ZBTB8OS: variants seen among roughly 807,000 people sequenced by gnomAD.
The protein encoded by ZBTB8OS is tRNA-splicing ligase-activating factor archease.
Under a neutral mutation model 29.3 loss-of-function variants are expected in ZBTB8OS, and 16 were observed. The ratio of observed to expected loss-of-function variants is 0.55; its 90% confidence interval spans 0.37 to 0.83. The LOEUF is 0.83. ZBTB8OS is among the 40% of genes least tolerant of loss of function. ZBTB8OS has a pLI of 0.00. For synonymous variants in ZBTB8OS, 70 were observed against 64.6 expected (o/e 1.08, Z -0.40); for missense variants, 160 against 196.9 (o/e 0.81, Z 1.12).
intron 6 of ZBTB8OS, among the ~76,000 whole-genome samples, chr1:32,625,314 C>T (rs1645043595): frequency 6.6e-6 from 1 of 151,946 alleles, no homozygotes. Flanking sequence ...AGGTAAATCA[C>T]CTGAGCTCAG....
chr1:32,629,845 T>C (rs1313676645), intron 5 of ZBTB8OS, among the ~76,000 whole-genome samples: 3 of 149,736 alleles, frequency 2.0e-5, no homozygotes, highest in Non-Finnish European at 4.4e-5. Flanking sequence ...CTCTGCCTCC[T>C]GGGTTCAAGC....
At chr1:32,636,972 G>C (rs1405897811) in intron 1 of ZBTB8OS, among the ~76,000 whole-genome samples, 2 of 152,116 alleles carry the variant, frequency 1.3e-5, no homozygotes, top group African/African-American at 2.4e-5. Flanking sequence ...GGAAGGATGG[G>C]CCTTTGTCTG....
chr1:32,631,283 A>G (rs899922167), intron 5 of ZBTB8OS, among the ~76,000 whole-genome samples: 5 of 150,914 alleles, frequency 3.3e-5, no homozygotes, highest in Non-Finnish European at 7.4e-5. Flanking sequence ...TGAGCCCAGG[A>G]GGCTGAAGCT....
At chr1:32,633,208 C>G (rs1052987178) in intron 4 of ZBTB8OS, 1 of 153,112 alleles carries the variant, frequency 6.5e-6, no homozygotes, top group African/African-American at 2.4e-5. Flanking sequence ...ATAAATATAG[C>G]TCAAACTTGG....
chr1:32,636,786 G>C (rs780241522), intron 1 of ZBTB8OS, among the ~76,000 whole-genome samples: 1 of 151,782 alleles, frequency 6.6e-6, no homozygotes. Flanking sequence ...GCCTGAGAAA[G>C]AGCATCATGG....
rs1302693497 is a variant in ZBTB8OS, at chr1:32,650,397, C to G, written c.97+36G>C. On this transcript the variant is annotated intron_variant, in intron 1 of 6. Coordinates refer to ENST00000468695, the MANE Select transcript of ZBTB8OS (RefSeq NM_178547.5). The stretch of plus-strand genomic sequence containing the variant: ...GGTAAGGAGAGGGGATGCCTGTGTG[C>G]TTACATGTAAAGAGAGAAGTAAGCC... The G allele has an allele frequency of 6.2e-6, 10 of 1,613,228 alleles. No individual in the cohort carries two copies. In the East Asian group the frequency reaches 2.2e-4, roughly 36 times the overall value.
chr1:32,650,309 C>T (rs1647267192), intron 1 of ZBTB8OS, 124 bp downstream of exon 1: 2 of 1,322,950 alleles, frequency 1.5e-6, no homozygotes, highest in African/African-American at 1.5e-5. Context: ...CAACAGCCGG[C>T]ACAAATGGGA....
In ZBTB8OS at chr1:32,650,429, T is replaced by A. The variant is rs1231986482; in HGVS notation, c.97+4A>T. ...GTAAAGAGAGAAGTAAGCCACCTAC[T>A]CACACTCGTACTTCCTATTGACTGG... is the stretch of plus-strand genomic sequence containing the variant. On this transcript the variant is annotated splice_donor_region_variant and intron_variant, in intron 1 of 6. Transcript: ENST00000468695. 1 of 1,614,184 alleles carries A rather than the reference T, an allele frequency of 6.2e-7. No individual in the cohort carries two copies.
chr1:32,650,632 A>C (rs1027928710), upstream of ZBTB8OS: 3 of 1,597,270 alleles, frequency 1.9e-6, no homozygotes, highest in Non-Finnish European at 2.6e-6. Context: ...ACACCCTTAA[A>C]GGACCACACT....
chr1:32,627,476 C>A (rs376061126), intron 6 of ZBTB8OS, 32 bp downstream of exon 6: 2 of 1,609,190 alleles, frequency 1.2e-6, no homozygotes, highest in African/African-American at 2.7e-5. Context: ...GGAAATTTTT[C>A]ATGTTCTTAA....
chr1:32,650,449 G>A lies in ZBTB8OS; in HGVS notation c.81C>T (p.Val27=). The A allele has an allele frequency of 6.2e-7, 1 of 1,614,176 alleles. No individual in the cohort carries two copies. The change falls in exon 1 of 7, where the codon GTC becomes GTT. Residue 27 remains valine (V), a synonymous_variant. Transcript: ENST00000468695. ...QKAIKAKYPP[V]NRKYEYLDHT... is the part of the protein sequence containing the mutation. ...CCTACTCACACTCGTACTTCCTATTGACTGGCGGATACTTGGCCTTGATCG... is the reference window on the plus strand; with the variant it reads ...CCTACTCACACTCGTACTTCCTATTAACTGGCGGATACTTGGCCTTGATCG...
At chr1:32,642,570 C>T (rs866981762) in intron 1 of ZBTB8OS, among the ~76,000 whole-genome samples, 3 of 150,540 alleles carry the variant, frequency 2.0e-5, no homozygotes, top group African/African-American at 4.9e-5. Flanking sequence ...AATTTGCATC[C>T]GTAAAGAATC....
intron 6 of ZBTB8OS, among the ~76,000 whole-genome samples, chr1:32,626,471 T>C (rs1417081144): frequency 1.3e-5 from 2 of 152,212 alleles, no homozygotes; most frequent in African/African-American, 4.8e-5. Flanking sequence ...CAGCAAAATA[T>C]ATATAGCCCA....
chr1:32,633,009 G>C (rs1172608659), intron 4 of ZBTB8OS, among the ~76,000 whole-genome samples: 1 of 152,188 alleles, frequency 6.6e-6, no homozygotes, highest in Non-Finnish European at 1.5e-5. Context: ...AAAGCAGAGA[G>C]TGCCATCTCT....
chr1:32,648,959 A>C (rs1647063149), intron 1 of ZBTB8OS, among the ~76,000 whole-genome samples: 2 of 113,456 alleles, frequency 1.8e-5, no homozygotes, highest in Admixed American at 1.1e-4. Context: ...CCACAGCACC[A>C]GGCCTTTTTT....
At chr1:32,648,591 G>T (rs1439577422) in intron 1 of ZBTB8OS, among the ~76,000 whole-genome samples, 1 of 152,150 alleles carries the variant, frequency 6.6e-6, no homozygotes, top group Non-Finnish European at 1.5e-5. Flanking sequence ...GAGGATGGGG[G>T]CTGCCAGAGT....
intron 1 of ZBTB8OS, among the ~76,000 whole-genome samples, chr1:32,648,963 C>CTTT (rs34143853): frequency 3.9e-4 from 23 of 58,740 alleles, no homozygotes; most frequent in East Asian, 1.1e-3. Flanking sequence ...AGCACCAGGC[C>CTTT]TTTTTTTTTT....
In ZBTB8OS at chr1:32,626,363, T is replaced by C. The variant is rs532252510; in HGVS notation, c.417+1145A>G. 2.6e-5 allele frequency among the ~76,000 whole-genome samples: 4 copies of C among 152,246 alleles called. 1 individual carries two copies. Among genetic ancestry groups the C allele is most frequent in the African/African-American group, 7.2e-5 (3 of 41,546 alleles). On this transcript the variant is annotated intron_variant, in intron 6 of 6. Transcript: ENST00000468695. ...TCTAGGTTTGTGTAAGTACACTCCA[T>C]GATGTTTGCACAATGATGTAATCGC...
intron 1 of ZBTB8OS, 85 bp from the exon 2 acceptor site, chr1:32,634,877 TTAGGAA>T: frequency 1.1e-6 from 1 of 936,416 alleles, no homozygotes; most frequent in East Asian, 2.4e-5. Context: ...TCCATTATTA[TTAGGAA>T]TATCATCTTT....
Sources: gnomAD v4.1 joint callset for allele counts (sites outside exome capture counted in the v4.1 genomes callset) on GRCh38, gnomAD v4.1.1 for gene constraint, MANE v1.5 for transcripts, NCBI Gene and HGNC (gene_info 2026-07-23, HGNC 2026-07-21) for gene names.